Variants in VIRMA observed in about 807,000 individuals in gnomAD.
VIRMA encodes the protein protein virilizer homolog.
Under a neutral mutation model 182.4 loss-of-function variants are expected in VIRMA, and 65 were observed. The observed-to-expected ratio is 0.36, with a 90% CI of 0.29 to 0.44. The LOEUF (loss-of-function observed/expected upper bound fraction) is 0.44, where lower values mean the gene tolerates loss of function less well. Among genes scored for constraint, VIRMA ranks in the 20% least tolerant of loss-of-function variants. VIRMA has a pLI of 1.00. For missense variants in VIRMA, 1,752 were observed against 2,158.1 expected (o/e 0.81, Z 3.73); for synonymous variants, 709 against 743.1 (o/e 0.95, Z 0.75).
chr8:94,529,285 G>T lies in VIRMA; in HGVS notation c.665C>A (p.Ser222Tyr). 1.2e-6 allele frequency: 2 copies of T among 1,613,144 alleles called. No homozygotes were observed. The highest frequency in any genetic ancestry group is 2.7e-5 in the African/African-American group (2 of 75,012). Residue 222 changes from serine to tyrosine, a missense_variant, in exon 7 of 24, where the codon TCT becomes TAT. Coordinates refer to ENST00000297591, the MANE Select transcript of VIRMA (RefSeq NM_015496.5). Reference sequence around the variant, plus strand: ...CTGGGGAACAGAATTCCGATCAGGAGAAATGGGCTCAAAGTAATCTTCTCT... The same window carrying T: ...CTGGGGAACAGAATTCCGATCAGGATAAATGGGCTCAAAGTAATCTTCTCT... ...PHREDYFEPI[S>Y]PDRNSVPQEG... is the part of the protein sequence containing the mutation.
intron 1 of VIRMA, among the ~76,000 whole-genome samples, chr8:94,552,683 A>G (rs773864926): frequency 6.6e-6 from 1 of 152,154 alleles, no homozygotes; most frequent in Non-Finnish European, 1.5e-5. Context: ...CCAATTGTAC[A>G]TTAAGGGGCG....
intron 16 of VIRMA, 36 bp from the exon 17 acceptor site, chr8:94,499,542 T>TTATTTTCCTTAAAGAACTGTAAATAAAG: frequency 1.5e-6 from 2 of 1,326,982 alleles, no homozygotes; most frequent in Non-Finnish European, 2.1e-6. Context: ...GATATTATCT[T>TTATTTTCCTTAAAGAACTGTAAATAAAG]AAAATATGAG....
Position 94,529,071 on chromosome 8 carries a change from T to G in VIRMA, c.879A>C (p.Glu293Asp), listed in dbSNP as rs1410484039. 6.2e-7 allele frequency: 1 copy of G among 1,607,880 alleles called. No homozygotes were observed. The highest frequency in any genetic ancestry group is 1.7e-5 in the Admixed American group (1 of 59,996). The change falls in exon 7 of 24, where the codon GAA becomes GAC. Residue 293 changes from glutamate to aspartate, a missense_variant and splice_region_variant. By Grantham distance (45) the Glu-to-Asp change is conservative. Transcript: ENST00000297591. ...AAAGTCCTAGCTAACATAACCCACC[T>G]TCACCTTCTTCATCCTCTTCACCTT... The part of the protein sequence containing the change: ...EEEGEEDEEG[E>D]GDDGYEQISS...
chr8:94,546,124 CAG>C (rs1048383782), intron 1 of VIRMA, among the ~76,000 whole-genome samples: 6 of 150,082 alleles, frequency 4.0e-5, no homozygotes, highest in East Asian at 1.9e-4. Flanking sequence ...AATAGCAAAA[CAG>C]GGGAGGAAAG....
chr8:94,550,518 T>G (rs1312607224), intron 1 of VIRMA, among the ~76,000 whole-genome samples: 5 of 152,250 alleles, frequency 3.3e-5, no homozygotes, highest in African/African-American at 1.2e-4. Flanking sequence ...GGTCTCGATC[T>G]CCTGACCTCG....
intron 1 of VIRMA, among the ~76,000 whole-genome samples, chr8:94,545,435 T>C (rs1465617226): frequency 6.6e-6 from 1 of 152,204 alleles, no homozygotes; most frequent in Non-Finnish European, 1.5e-5. Flanking sequence ...GATTTACAAA[T>C]AGCCTTTCAA....
At chr8:94,525,837 A>G (rs1011124543) in intron 8 of VIRMA, among the ~76,000 whole-genome samples, 2 of 152,232 alleles carry the variant, frequency 1.3e-5, no homozygotes, top group African/African-American at 4.8e-5. Flanking sequence ...TATAATTTTA[A>G]CTTACAATGT....
At chr8:94,524,803 AATCTATGTTACAAAAT>A (rs1814902181) in intron 8 of VIRMA, among the ~76,000 whole-genome samples, 1 of 152,202 alleles carries the variant, frequency 6.6e-6, no homozygotes, top group Admixed American at 6.5e-5. Context: ...CCCCATTTGC[AATCTATGTTACAAAAT>A]ACATGATTTC....
chr8:94,507,106 T>C (rs1253935069), intron 15 of VIRMA, among the ~76,000 whole-genome samples: 1 of 151,322 alleles, frequency 6.6e-6, no homozygotes. Flanking sequence ...TTTTGGTTTA[T>C]AAAGAAACTT....
intron 4 of VIRMA, among the ~76,000 whole-genome samples, chr8:94,536,351 C>G (rs767275625): frequency 6.6e-6 from 1 of 152,212 alleles, no homozygotes; most frequent in Non-Finnish European, 1.5e-5. Flanking sequence ...TAGTCCCATA[C>G]CAGGTCATAA....
intron 1 of VIRMA, among the ~76,000 whole-genome samples, chr8:94,549,461 T>A (rs182078074): frequency 6.6e-6 from 1 of 152,224 alleles, no homozygotes; most frequent in Non-Finnish European, 1.5e-5. Flanking sequence ...CAAATTAATC[T>A]GGCTAATTAT....
intron 2 of VIRMA, among the ~76,000 whole-genome samples, chr8:94,540,993 A>T (rs1429351114): frequency 6.6e-6 from 1 of 152,156 alleles, no homozygotes; most frequent in Non-Finnish European, 1.5e-5. Context: ...ACAAAAAGTA[A>T]TAATAAAATA....
In VIRMA at chr8:94,488,813, G is replaced by C. The variant is rs771809174; in HGVS notation, c.5332C>G (p.Leu1778Val). The C allele has an allele frequency of 5.6e-6, 9 of 1,614,198 alleles. No individual in the cohort carries two copies. Among genetic ancestry groups the C allele is most frequent in the Non-Finnish European group, 7.6e-6 (9 of 1,180,026 alleles). ...RDRASRGRGG[L>V]GPSWASANSG... Reference sequence around the variant, plus strand: ...TTTGCACTAGCCCAGGAAGGTCCAAGTCCCCCACGACCTCTAGAAGCACGG... The same window carrying C: ...TTTGCACTAGCCCAGGAAGGTCCAACTCCCCCACGACCTCTAGAAGCACGG... Residue 1778 changes from leucine to valine, a missense_variant, in exon 24 of 24, where the codon CTT (leucine) becomes GTT (valine). Transcript: ENST00000297591.
At chr8:94,519,555 T>C in intron 8 of VIRMA, 79 bp from the exon 9 acceptor site, 1 of 1,411,308 alleles carries the variant, frequency 7.1e-7, no homozygotes, top group Non-Finnish European at 9.5e-7. Flanking sequence ...AAGACACTGA[T>C]AAAAATTTTT....
rs117563267 is a variant in VIRMA, at chr8:94,500,902, T to C, written c.4098-1396A>G. 2.1e-3 allele frequency among the ~76,000 whole-genome samples: 315 copies of C among 152,002 alleles called. 14 individuals carry two copies. The East Asian group carries it at 0.056, about 27-fold the overall frequency. ...GACTCTAAGCATCTGTCAAAACACA[T>C]AGAACTGTACACCATAAAACATAAA... is the stretch of plus-strand genomic sequence containing the variant. On this transcript the variant is annotated intron_variant, in intron 16 of 23. Transcript: ENST00000297591.
At chr8:94,546,602 G>C (rs1236819991) in intron 1 of VIRMA, among the ~76,000 whole-genome samples, 2 of 150,866 alleles carry the variant, frequency 1.3e-5, no homozygotes, top group Non-Finnish European at 2.9e-5. Context: ...GGATACAAGT[G>C]GTTGTTTACA....
At chr8:94,503,513 T>C (rs1814061410) in intron 16 of VIRMA, among the ~76,000 whole-genome samples, 1 of 151,968 alleles carries the variant, frequency 6.6e-6, no homozygotes, top group South Asian at 2.1e-4. Context: ...TCTCCAAAAA[T>C]GTCAAGGTCA....
chr8:94,552,526 T>A (rs1816027488), intron 1 of VIRMA, among the ~76,000 whole-genome samples: 2 of 151,302 alleles, frequency 1.3e-5, no homozygotes, highest in Admixed American at 6.6e-5. Context: ...AGAACAGTTC[T>A]CTAAATTAAG....
chr8:94,502,732 C>A (rs1444290353), intron 16 of VIRMA, among the ~76,000 whole-genome samples: 1 of 151,954 alleles, frequency 6.6e-6, no homozygotes, highest in African/African-American at 2.4e-5. Flanking sequence ...ACAAGCTGAT[C>A]CTGGAACACC....
Sources: allele counts gnomAD v4.1 joint callset (sites outside exome capture counted in the v4.1 genomes callset), GRCh38; gene constraint gnomAD v4.1.1; transcripts MANE v1.5; gene names NCBI Gene and HGNC (gene_info 2026-07-23, HGNC 2026-07-21).